SRPX: variants seen among roughly 807,000 people sequenced by gnomAD.
SRPX encodes the protein sushi repeat containing protein X-linked.
SRPX carries 24 observed loss-of-function variants against 38.1 expected under a neutral mutation model. The observed-to-expected ratio is 0.63, with a 90% CI of 0.46 to 0.89. SRPX has a LOEUF of 0.89. Ranked by LOEUF, SRPX falls within the 40% of genes least tolerant of loss-of-function variation. The pLI, the probability that SRPX is intolerant of heterozygous loss-of-function variation, is 0.00. For missense variants in SRPX, 416 were observed against 377.8 expected (o/e 1.10, Z -0.84); for synonymous variants, 184 against 153.8 (o/e 1.20, Z -1.45).
chrX:38,180,781 A>G (rs901916452), intron 1 of SRPX, among the ~76,000 whole-genome samples: 17 of 112,473 alleles, frequency 1.5e-4, no homozygotes, highest in African/African-American at 4.5e-4. Context: ...ATTATGATCC[A>G]TTCATAACAT....
At chrX:38,195,846 A>T (rs1197399335) in intron 1 of SRPX, among the ~76,000 whole-genome samples, 2 of 111,972 alleles carry the variant, frequency 1.8e-5, no homozygotes, top group Non-Finnish European at 3.8e-5. Context: ...GATTAGGAAG[A>T]AGGGCTCAAG....
At chrX:38,209,858 G>T (rs767268384) in intron 1 of SRPX, among the ~76,000 whole-genome samples, 13 of 112,150 alleles carry the variant, frequency 1.2e-4, no homozygotes, top group Non-Finnish European at 2.4e-4. Flanking sequence ...AATTGCTAGA[G>T]AGACAGATGT....
intron 1 of SRPX, among the ~76,000 whole-genome samples, chrX:38,179,516 T>C (rs1275231850): frequency 8.9e-6 from 1 of 111,755 alleles, no homozygotes; most frequent in Non-Finnish European, 1.9e-5. Flanking sequence ...GTCACGCATT[T>C]AGTTGTAGTT....
chrX:38,169,429 CA>C (rs1938425128), intron 4 of SRPX, among the ~76,000 whole-genome samples: 1 of 111,768 alleles, frequency 8.9e-6, no homozygotes, highest in African/African-American at 3.3e-5. Flanking sequence ...ATTACATCTC[CA>C]AAATGTTTTA....
intron 1 of SRPX, among the ~76,000 whole-genome samples, chrX:38,208,502 CT>C (rs1464750879): frequency 1.8e-5 from 2 of 111,706 alleles, no homozygotes; most frequent in African/African-American, 6.5e-5. Context: ...CAATACATTC[CT>C]TTTTTACCTT....
At chrX:38,153,302 C>CTTTTTTTTT (rs58888978) in intron 9 of SRPX, among the ~76,000 whole-genome samples, 347 of 54,615 alleles carry the variant, frequency 6.4e-3, no homozygotes, top group Non-Finnish European at 8.5e-3. Flanking sequence ...TTCTTTCTTT[C>CTTTTTTTTT]TTTTTTTTTT....
intron 9 of SRPX, among the ~76,000 whole-genome samples, chrX:38,151,795 G>C (rs1397691911): frequency 3.6e-5 from 4 of 111,319 alleles, no homozygotes; most frequent in Non-Finnish European, 7.5e-5. Context: ...AGATTGGAAG[G>C]AGTTCTTCCT....
At chrX:38,209,004 T>A (rs867793962) in intron 1 of SRPX, among the ~76,000 whole-genome samples, 1 of 98,951 alleles carries the variant, frequency 1.0e-5, no homozygotes, top group Non-Finnish European at 2.2e-5. Context: ...ATATATATTT[T>A]TTTTTTGCAA....
chrX:38,179,104 G>A (rs1023532565), intron 1 of SRPX, among the ~76,000 whole-genome samples: 1 of 110,050 alleles, frequency 9.1e-6, no homozygotes, highest in African/African-American at 3.3e-5. Flanking sequence ...GTGCCACCAT[G>A]CCTGGCTAAT....
chrX:38,158,083 G>T (rs754417071), intron 7 of SRPX, among the ~76,000 whole-genome samples: 73 of 112,355 alleles, frequency 6.5e-4, no homozygotes, highest in African/African-American at 2.3e-3. Flanking sequence ...CATAGTATCT[G>T]CTGGGGAAAG....
intron 3 of SRPX, among the ~76,000 whole-genome samples, chrX:38,172,530 A>T (rs924976837): frequency 8.8e-6 from 1 of 113,188 alleles, no homozygotes; most frequent in Non-Finnish European, 1.9e-5. Context: ...TTCCTGTCAC[A>T]CTGGCTTGGG....
At chrX:38,164,647 G>C in intron 5 of SRPX, 122 bp downstream of exon 5, 4 of 735,687 alleles carry the variant, frequency 5.4e-6, no homozygotes, top group Non-Finnish European at 7.7e-6. Flanking sequence ...ATGTTAGGTA[G>C]TGACCAGGGG....
intron 1 of SRPX, among the ~76,000 whole-genome samples, chrX:38,179,684 C>A (rs1330261531): frequency 8.9e-6 from 1 of 111,930 alleles, no homozygotes; most frequent in East Asian, 2.8e-4. Context: ...GGACTGTGTT[C>A]ATTAGGAAAA....
intron 1 of SRPX, among the ~76,000 whole-genome samples, chrX:38,189,016 T>C (rs1938844199): frequency 9.0e-6 from 1 of 111,691 alleles, no homozygotes; most frequent in African/African-American, 3.3e-5. Context: ...ATCTGATTTG[T>C]TCAGGGCATA....
At position 38,220,722 on chromosome X, in the gene SRPX, CGCAGCAGCA is replaced by C. The variant is rs35523939; in HGVS notation, c.62_70del (p.Leu21_Leu23del). 4.3e-6 allele frequency: 5 copies of C among 1,152,868 alleles called. No homozygotes were observed. Among genetic ancestry groups the C allele is most frequent in the Admixed American group, 5.0e-5 (2 of 40,117 alleles). On this transcript the variant is annotated inframe_deletion, in exon 1 of 10. Transcript: ENST00000378533. ...TGGGAAGCTGCGGCTGGGCGGGACG[CGCAGCAGCA>C]GCAGCAGCAGCAGAGGCGGCAGCAG... is the stretch of plus-strand genomic sequence containing the variant.
intron 1 of SRPX, among the ~76,000 whole-genome samples, chrX:38,189,594 T>G (rs905036083): frequency 1.8e-5 from 2 of 111,927 alleles, no homozygotes; most frequent in African/African-American, 6.5e-5. Flanking sequence ...CTTGTTTCTG[T>G]CTTCATGACT....
At chrX:38,201,003 A>G (rs1939102334) in intron 1 of SRPX, among the ~76,000 whole-genome samples, 1 of 111,995 alleles carries the variant, frequency 8.9e-6, no homozygotes, top group Admixed American at 9.4e-5. Flanking sequence ...ACTTAAAGGA[A>G]CAAATGTAAC....
At position 38,220,860 on chromosome X, in the gene SRPX, G is replaced by T. The variant is rs2147137946; in HGVS notation, c.-68C>A. 3.8e-6 allele frequency: 4 copies of T among 1,048,661 alleles called. No homozygotes were observed. In the Admixed American group the frequency reaches 1.8e-4, roughly 48 times the overall value. 86.4% of individuals were successfully genotyped at this position (1,048,661 alleles called of 1,213,427 possible). On this transcript the variant is annotated 5_prime_UTR_variant, in exon 1 of 10. Transcript: ENST00000378533. ...CCCGGGGGCGGCAGGAGACCGAAGAGACCAAGGGACTGCGTGCTAGCGGGC... is the reference window on the plus strand; with the variant it reads ...CCCGGGGGCGGCAGGAGACCGAAGATACCAAGGGACTGCGTGCTAGCGGGC...
Position 38,220,832 on chromosome X carries a change from C to T in SRPX, c.-40G>A. 1.9e-6 allele frequency: 2 copies of T among 1,066,061 alleles called. No individual in the cohort carries two copies. Among genetic ancestry groups the T allele is most frequent in the Non-Finnish European group, 1.2e-6 (1 of 833,518 alleles). 87.9% of individuals were successfully genotyped at this position (1,066,061 alleles called of 1,213,427 possible). A position where few individuals can be genotyped will look rare whatever the true frequency, so the allele number is the denominator to read the frequency against. ...TAGCTCGCCTCGGCAGCGCAGCGCGCTTCCCGGGGGCGGCAGGAGACCGAA... is the reference window on the plus strand; with the variant it reads ...TAGCTCGCCTCGGCAGCGCAGCGCGTTTCCCGGGGGCGGCAGGAGACCGAA... On this transcript the variant is annotated 5_prime_UTR_variant, in exon 1 of 10. Transcript: ENST00000378533.
Sources: allele counts gnomAD v4.1 joint callset (sites outside exome capture counted in the v4.1 genomes callset), GRCh38; gene constraint gnomAD v4.1.1; transcripts MANE v1.5; gene names NCBI Gene and HGNC (gene_info 2026-07-23, HGNC 2026-07-21).